The following JARID2 variants were observed in gnomAD, a reference collection of about 807,000 sequenced individuals.
The protein encoded by JARID2 is protein Jumonji.
In JARID2, 21 loss-of-function variants were observed where a neutral mutation model predicts 125.6. That is an observed-to-expected ratio of 0.17 (90% CI 0.12 to 0.24). The LOEUF (loss-of-function observed/expected upper bound fraction) is 0.24, where lower values mean the gene tolerates loss of function less well. Ranked by LOEUF, JARID2 falls within the 10% of genes least tolerant of loss-of-function variation. The pLI, the probability that JARID2 is intolerant of heterozygous loss-of-function variation, is 1.00. For missense variants in JARID2, 1,303 were observed against 1,639.6 expected, an observed-to-expected ratio of 0.79 and a Z score of 3.55; for synonymous variants, 736 against 661.6, an observed-to-expected ratio of 1.11 and a Z score of -1.73.
intron 1 of JARID2, among the ~76,000 whole-genome samples, chr6:15,363,897 G>T (rs1763883669): frequency 2.0e-5 from 3 of 152,196 alleles, no homozygotes; most frequent in South Asian, 2.1e-4. Flanking sequence ...AGGGGTTAAG[G>T]CATATGAGAC....
At chr6:15,456,610 T>C (rs1253966644) in intron 4 of JARID2, among the ~76,000 whole-genome samples, 1 of 151,996 alleles carries the variant, frequency 6.6e-6, no homozygotes, top group Non-Finnish European at 1.5e-5. Context: ...CCCGGGAGGA[T>C]AAGTGTGTTT....
chr6:15,479,121 C>A (rs1769490436), intron 5 of JARID2, among the ~76,000 whole-genome samples: 1 of 152,184 alleles, frequency 6.6e-6, no homozygotes, highest in Non-Finnish European at 1.5e-5. Context: ...AGACCAACTG[C>A]CTGTTGCCCC....
intron 1 of JARID2, among the ~76,000 whole-genome samples, chr6:15,256,969 A>C (rs770312740): frequency 1.3e-5 from 2 of 152,200 alleles, no homozygotes; most frequent in Non-Finnish European, 2.9e-5. Flanking sequence ...GCAAAAAGAT[A>C]GACTTAACTG....
chr6:15,446,440 G>A (rs1027286669), intron 3 of JARID2, among the ~76,000 whole-genome samples: 1 of 152,264 alleles, frequency 6.6e-6, no homozygotes, highest in Non-Finnish European at 1.5e-5. Context: ...CTATTACAGA[G>A]TAACAGGCCT....
intron 6 of JARID2, among the ~76,000 whole-genome samples, chr6:15,494,058 A>G (rs7761778): frequency 0.22 from 33,348 of 152,066 alleles, 3,972 homozygotes; most frequent in Middle Eastern, 0.36. Context: ...GGGGCCTGAG[A>G]TCTGGCTCTA....
chr6:15,339,538 CTT>C (rs1217012038), intron 1 of JARID2, among the ~76,000 whole-genome samples: 1 of 122,846 alleles, frequency 8.1e-6, no homozygotes. Context: ...ACCCGCCCTG[CTT>C]TTTTTTTTTT....
At chr6:15,281,967 T>C (rs1489227446) in intron 1 of JARID2, among the ~76,000 whole-genome samples, 1 of 142,718 alleles carries the variant, frequency 7.0e-6, no homozygotes, top group Non-Finnish European at 1.5e-5. Context: ...TGTGTGTGTT[T>C]GAGACAGAGT....
intron 1 of JARID2, among the ~76,000 whole-genome samples, chr6:15,253,324 A>G (rs1351513119): frequency 6.6e-6 from 1 of 152,002 alleles, no homozygotes; most frequent in African/African-American, 2.4e-5. Context: ...CAGCCTCCCA[A>G]AGTGTTGGAA....
intron 1 of JARID2, among the ~76,000 whole-genome samples, chr6:15,322,833 C>A (rs62395376): frequency 6.6e-6 from 1 of 152,186 alleles, no homozygotes; most frequent in South Asian, 2.1e-4. Context: ...TTTCCTAAAC[C>A]ACTTCCAAAT....
chr6:15,388,464 A>AG (rs1474445867), intron 2 of JARID2, among the ~76,000 whole-genome samples: 2 of 151,950 alleles, frequency 1.3e-5, no homozygotes, highest in East Asian at 3.9e-4. Context: ...ATGTTTCTGT[A>AG]GAGTCCCAGA....
intron 1 of JARID2, among the ~76,000 whole-genome samples, chr6:15,350,726 TAAG>T (rs1257360031): frequency 7.0e-6 from 1 of 142,614 alleles, no homozygotes; most frequent in Non-Finnish European, 1.5e-5. Context: ...AATCATAGTT[TAAG>T]GTTTTTTTTT....
chr6:15,497,252 C>T, intron 7 of JARID2, 82 bp downstream of exon 7: 1 of 1,103,860 alleles, frequency 9.1e-7, no homozygotes, highest in Admixed American at 2.8e-5. Flanking sequence ...TCTTCACGTT[C>T]TCTTCCCTTG....
chr6:15,391,127 C>T (rs1330009609), intron 2 of JARID2, among the ~76,000 whole-genome samples: 4 of 138,708 alleles, frequency 2.9e-5, no homozygotes, highest in African/African-American at 7.7e-5. Flanking sequence ...ACCTAAGGGA[C>T]GGTTTTCAAG....
chr6:15,411,980 G>T (rs1765898171), intron 3 of JARID2, among the ~76,000 whole-genome samples: 1 of 152,198 alleles, frequency 6.6e-6, no homozygotes, highest in South Asian at 2.1e-4. Context: ...CTTTGTATGG[G>T]ACCACAGTGT....
intron 1 of JARID2, among the ~76,000 whole-genome samples, chr6:15,277,905 A>C (rs1008688024): frequency 6.6e-6 from 1 of 152,030 alleles, no homozygotes; most frequent in African/African-American, 2.4e-5. Context: ...GAGAGAGAAC[A>C]CACTGTTGGA....
chr6:15,452,185 T>G lies in JARID2; in HGVS notation c.493+10T>G. On this transcript the variant is annotated intron_variant, in intron 4 of 17. Coordinates refer to ENST00000341776, the MANE Select transcript of JARID2 (RefSeq NM_004973.4). ...TTTCTCTGCCTTCGAGGTAAGACTT[T>G]GCAACCATCGGCGGAGGTCTACGTG... 1.2e-6 allele frequency: 2 copies of G among 1,613,692 alleles called. No individual in the cohort carries two copies. Among genetic ancestry groups the G allele is most frequent in the Non-Finnish European group, 1.7e-6 (2 of 1,179,860 alleles).
At chr6:15,504,355 C>T in intron 8 of JARID2, 145 bp from the exon 9 acceptor site, 1 of 624,932 alleles carries the variant, frequency 1.6e-6, no homozygotes, top group South Asian at 1.8e-5. Context: ...TTTCTTCCTT[C>T]TCTGCCTGTC....
intron 3 of JARID2, among the ~76,000 whole-genome samples, chr6:15,413,553 G>A (rs532387728): frequency 6.6e-6 from 1 of 152,282 alleles, no homozygotes; most frequent in African/African-American, 2.4e-5. Context: ...TTATAACTTG[G>A]CAAGAGAGCA....
chr6:15,352,839 G>A lies in JARID2; in HGVS notation c.46-21278G>A, dbSNP rs548328342. On this transcript the variant is annotated intron_variant, in intron 1 of 17. Transcript: ENST00000341776. ...ATAAATACGCATAGCATAGCGCCAC[G>A]AGGTTACTTATTACAGCTGCAAAGG... 5.9e-4 allele frequency among the ~76,000 whole-genome samples: 90 copies of A among 152,300 alleles called. 1 individual carries two copies. In the South Asian group the frequency reaches 0.018, roughly 31 times the overall value.
Sources: allele counts gnomAD v4.1 joint callset (sites outside exome capture counted in the v4.1 genomes callset), GRCh38; gene constraint gnomAD v4.1.1; transcripts MANE v1.5; gene names NCBI Gene and HGNC (gene_info 2026-07-23, HGNC 2026-07-21).